GPC5: variants seen among roughly 807,000 people sequenced by gnomAD.
The protein encoded by GPC5 is glypican 5, also known as glypican-5.
Under a neutral mutation model 53.9 loss-of-function variants are expected in GPC5, and 47 were observed. The observed-to-expected ratio is 0.87, with a 90% CI of 0.69 to 1.11. GPC5 has a LOEUF of 1.11. Among genes scored for constraint, GPC5 ranks in the 50% most tolerant of loss-of-function variants. The pLI, the probability that GPC5 is intolerant of heterozygous loss-of-function variation, is 0.00. For missense variants in GPC5, 748 were observed against 713.1 expected, an observed-to-expected ratio of 1.05 and a Z score of -0.56; for synonymous variants, 286 against 263.3, an observed-to-expected ratio of 1.09 and a Z score of -0.84.
At chr13:92,281,689 G>C (rs1043457561) in intron 7 of GPC5, among the ~76,000 whole-genome samples, 1 of 152,212 alleles carries the variant, frequency 6.6e-6, no homozygotes, top group Non-Finnish European at 1.5e-5. Flanking sequence ...TGAGGGTCCT[G>C]ACTGTTAGAA....
rs149229247 is a variant in GPC5 at position 91,435,849 on chromosome 13, T to C, written c.164-12912T>C. Among the ~76,000 whole-genome samples, 1,335 of 152,332 alleles carry C rather than the reference T, an allele frequency of 8.8e-3. 23 individuals are homozygous for C. Among genetic ancestry groups the C allele is most frequent in the South Asian group, 0.079 (382 of 4,828 alleles). On this transcript the variant is annotated intron_variant, in intron 1 of 7. Transcript: ENST00000377067. ...TTTTTGGTTGGTAAGCCATTAATTA[T>C]TGCCTGAATTTCAGAGCCTGTTATT...
intron 7 of GPC5, among the ~76,000 whole-genome samples, chr13:92,155,228 G>A (rs1041431886): frequency 5.3e-5 from 8 of 151,884 alleles, no homozygotes; most frequent in African/African-American, 1.9e-4. Flanking sequence ...AAAAATGTTA[G>A]TTAGCTCACA....
intron 6 of GPC5, among the ~76,000 whole-genome samples, chr13:92,039,856 A>G (rs571340405): frequency 1.3e-5 from 2 of 152,208 alleles, no homozygotes; most frequent in African/African-American, 4.8e-5. Context: ...TTTTACCTTA[A>G]TTACCTCTTT....
intron 7 of GPC5, among the ~76,000 whole-genome samples, chr13:92,237,007 T>A (rs1254622396): frequency 6.6e-6 from 1 of 152,112 alleles, no homozygotes; most frequent in Non-Finnish European, 1.5e-5. Context: ...TTAATACATT[T>A]CCTTTTCTCT....
chr13:92,159,124 C>T (rs561233667), intron 7 of GPC5, among the ~76,000 whole-genome samples: 3 of 152,182 alleles, frequency 2.0e-5, no homozygotes, highest in South Asian at 4.1e-4. Flanking sequence ...ATTGTGCTTA[C>T]GTAAACTACA....
chr13:92,605,593 A>T (rs7998738), intron 7 of GPC5, among the ~76,000 whole-genome samples: 17,303 of 123,618 alleles, frequency 0.14, 2,232 homozygotes, highest in African/African-American at 0.36. Flanking sequence ...TTTTTTTTTT[A>T]TTTTTTTGAG....
intron 6 of GPC5, among the ~76,000 whole-genome samples, chr13:91,999,678 G>A (rs1055290329): frequency 2.6e-5 from 4 of 152,016 alleles, no homozygotes; most frequent in African/African-American, 7.2e-5. Context: ...CACCTTATTC[G>A]AGTAATAATG....
intron 7 of GPC5, among the ~76,000 whole-genome samples, chr13:92,206,063 AC>A: frequency 7.3e-6 from 1 of 137,246 alleles, no homozygotes; most frequent in African/African-American, 2.8e-5. Flanking sequence ...AAAAAAAAAA[AC>A]CCAACAACGA....
intron 5 of GPC5, among the ~76,000 whole-genome samples, chr13:91,890,730 A>G (rs2039375988): frequency 6.6e-6 from 1 of 152,252 alleles, no homozygotes; most frequent in Non-Finnish European, 1.5e-5. Context: ...AGCAAAATTA[A>G]TGGTAATATT....
intron 7 of GPC5, among the ~76,000 whole-genome samples, chr13:92,724,637 T>A (rs1019926508): frequency 6.6e-6 from 1 of 151,656 alleles, no homozygotes; most frequent in Non-Finnish European, 1.5e-5. Flanking sequence ...TACTGTATTA[T>A]TCCACTTACG....
At chr13:92,567,248 T>C (rs1003594035) in intron 7 of GPC5, among the ~76,000 whole-genome samples, 5 of 152,156 alleles carry the variant, frequency 3.3e-5, no homozygotes, top group African/African-American at 1.2e-4. Flanking sequence ...CTTCAACTTG[T>C]GCACAGAAAA....
chr13:92,249,028 T>G (rs2042673471), intron 7 of GPC5, among the ~76,000 whole-genome samples: 4 of 152,124 alleles, frequency 2.6e-5, no homozygotes, highest in African/African-American at 7.2e-5. Flanking sequence ...AATTTTATTT[T>G]TTAAATTTTT....
intron 2 of GPC5, among the ~76,000 whole-genome samples, chr13:91,455,332 G>T (rs1881466450): frequency 6.6e-6 from 1 of 152,002 alleles, no homozygotes; most frequent in Non-Finnish European, 1.5e-5. Flanking sequence ...TGGTTTGTGT[G>T]CATTGTCATA....
chr13:91,449,030 ATATTCGGG>A (rs770186975), intron 2 of GPC5, 108 bp downstream of exon 2: 3 of 1,206,520 alleles, frequency 2.5e-6, no homozygotes, highest in Non-Finnish European at 3.5e-6. Flanking sequence ...TATTTACATA[ATATTCGGG>A]TATAAAATGA....
chr13:92,574,872 A>G (rs1228805757), intron 7 of GPC5, among the ~76,000 whole-genome samples: 1 of 152,174 alleles, frequency 6.6e-6, no homozygotes, highest in Non-Finnish European at 1.5e-5. Context: ...GGTCAGGAGT[A>G]AAGACACTTC....
chr13:92,815,180 G>C (rs1877426344), intron 7 of GPC5, among the ~76,000 whole-genome samples: 1 of 152,072 alleles, frequency 6.6e-6, no homozygotes, highest in Middle Eastern at 3.4e-3. Flanking sequence ...ACAATGCCAG[G>C]TAGCAGTAAC....
intron 7 of GPC5, among the ~76,000 whole-genome samples, chr13:92,821,430 G>C (rs762927108): frequency 6.6e-6 from 1 of 152,138 alleles, no homozygotes; most frequent in African/African-American, 2.4e-5. Flanking sequence ...GTCCCGAGGA[G>C]TTGGAAATGG....
At chr13:92,003,325 CA>C (rs57075719) in intron 6 of GPC5, among the ~76,000 whole-genome samples, 77,645 of 100,426 alleles carry the variant, frequency 0.77, 28,839 homozygotes, top group East Asian at 0.89. Flanking sequence ...TGTCTTAACA[CA>C]AAAAAAAAAA....
chr13:92,297,111 T>G (rs994402104), intron 7 of GPC5, among the ~76,000 whole-genome samples: 1 of 152,228 alleles, frequency 6.6e-6, no homozygotes, highest in African/African-American at 2.4e-5. Flanking sequence ...ATCCACTAGG[T>G]GAAGCCAGCT....
Sources: gnomAD v4.1 joint callset for allele counts (sites outside exome capture counted in the v4.1 genomes callset) on GRCh38, gnomAD v4.1.1 for gene constraint, MANE v1.5 for transcripts, NCBI Gene and HGNC (gene_info 2026-07-23, HGNC 2026-07-21) for gene names.